SPANXN3: variants seen among roughly 807,000 people sequenced by gnomAD.
SPANXN3 encodes the protein sperm protein associated with the nucleus on the X chromosome N3.
Under a neutral mutation model 1.9 loss-of-function variants are expected in SPANXN3, and 1 was observed. The observed-to-expected ratio is 0.54, with a 90% CI of 0.19 to 2.54. The LOEUF (loss-of-function observed/expected upper bound fraction) is 2.54. Ranked by LOEUF, SPANXN3 falls within the 30% of genes most tolerant of loss-of-function variation. The probability of loss-of-function intolerance (pLI) is 0.24; values close to 1 mark genes in which losing one functional copy is unlikely to be tolerated. For synonymous variants in SPANXN3, 47 were observed against 40.0 expected, an observed-to-expected ratio of 1.17 and a Z score of -0.66; for missense variants, 113 against 96.2, an observed-to-expected ratio of 1.17 and a Z score of -0.73.
intron 1 of SPANXN3, among the ~76,000 whole-genome samples, chrX:143,515,720 C>G (rs781979775): frequency 5.4e-5 from 6 of 111,067 alleles, no homozygotes; most frequent in Non-Finnish European, 1.1e-4. Flanking sequence ...CCACACAAAT[C>G]CAGCAATTCA....
At chrX:143,509,209 A>C in intron 1 of SPANXN3, 47 bp from the exon 2 acceptor site, 1 of 1,075,107 alleles carries the variant, frequency 9.3e-7, no homozygotes, top group East Asian at 3.0e-5. Context: ...TTTTGGGTGA[A>C]TAGGATAGAG....
intron 1 of SPANXN3, among the ~76,000 whole-genome samples, chrX:143,513,866 C>A (rs1556412095): frequency 8.9e-6 from 1 of 112,181 alleles, no homozygotes; most frequent in African/African-American, 3.2e-5. Flanking sequence ...CAATGCTCTG[C>A]CACCCCATGC....
chrX:143,510,969 G>GC (rs1556411633), intron 1 of SPANXN3, among the ~76,000 whole-genome samples: 1 of 111,623 alleles, frequency 9.0e-6, no homozygotes, highest in African/African-American at 3.3e-5. Context: ...GCAGGAGGTT[G>GC]CAAGGACTGA....
At position 143,509,041 on chromosome X, in the gene SPANXN3, T is replaced by C; in HGVS notation, c.200A>G (p.Gln67Arg). 8.3e-7 allele frequency: 1 copy of C among 1,211,594 alleles called. No individual in the cohort carries two copies. The highest frequency in any genetic ancestry group is 3.0e-5 in the East Asian group (1 of 33,823). ...CTCTTGGGACTGTTCATTCTCCAGT[T>C]GATTTGAATTTATTTTCTTACCCTT... ...LRKGKKINSN[Q>R]LENEQSQENS... The change falls in exon 2 of 2, where the codon CAA becomes CGA. Residue 67 changes from glutamine to arginine, a missense_variant. Coordinates refer to ENST00000370503, the MANE Select transcript of SPANXN3 (RefSeq NM_001009609.4).
chrX:143,517,309 C>G lies in SPANXN3; in HGVS notation c.78+5G>C, dbSNP rs1556412841. On this transcript the variant is annotated splice_donor_5th_base_variant and intron_variant, in intron 1 of 1. Transcript: ENST00000370503. ...CACCTTCCCTTCAAAACCTGACAAT[C>G]TTACCTCATCATTTTTTTTGTTATT... The G allele has an allele frequency of 8.3e-7, 1 of 1,209,846 alleles. No homozygotes were observed. The highest frequency in any genetic ancestry group is 1.8e-5 in the South Asian group (1 of 56,759).
intron 1 of SPANXN3, among the ~76,000 whole-genome samples, chrX:143,514,424 A>C (rs1929168033): frequency 9.0e-6 from 1 of 111,577 alleles, no homozygotes; most frequent in African/African-American, 3.3e-5. Flanking sequence ...CATGGCTGCC[A>C]ATCTGAAATA....
At position 143,509,130 on chromosome X, in the gene SPANXN3, G is replaced by A. The variant is rs145086130; in HGVS notation, c.111C>T (p.Pro37=). 140 of 1,207,937 alleles carry A rather than the reference G, an allele frequency of 1.2e-4. No homozygotes were observed. The African/African-American group carries it at 1.6e-3, about 14-fold the overall frequency. ...MQEVPNRVLA[P]EQSLKNTKTS... ...TTTTTGTGTTCTTCAAACTCTGTTC[G>A]GGGGCTAAGACTCTGTTTGGTACCT... The change falls in exon 2 of 2, where the codon CCC becomes CCT. Residue 37 remains proline, a synonymous_variant. Transcript: ENST00000370503.
rs1556412903 is a variant in SPANXN3, at chrX:143,517,428, C to T, written c.-37G>A. The T allele has an allele frequency of 7.6e-6, 9 of 1,185,608 alleles. No homozygotes were observed. The highest frequency in any genetic ancestry group is 7.0e-5 in the African/African-American group (4 of 57,279). On this transcript the variant is annotated 5_prime_UTR_variant, in exon 1 of 2. Coordinates refer to ENST00000370503, the MANE Select transcript of SPANXN3 (RefSeq NM_001009609.4). ...GTTGTAGAATGTCTATAGTAGGCTCCTGTAGACTGCAGACTTCCACAGCTA... is the reference window on the plus strand; with the variant it reads ...GTTGTAGAATGTCTATAGTAGGCTCTTGTAGACTGCAGACTTCCACAGCTA...
chrX:143,513,533 G>A (rs1556412052), intron 1 of SPANXN3, among the ~76,000 whole-genome samples: 1 of 111,397 alleles, frequency 9.0e-6, no homozygotes, highest in African/African-American at 3.3e-5. Context: ...TTACCTACAG[G>A]ACCTCATAAA....
At chrX:143,514,971 C>T (rs1929179747) in intron 1 of SPANXN3, among the ~76,000 whole-genome samples, 1 of 111,201 alleles carries the variant, frequency 9.0e-6, no homozygotes, top group Non-Finnish European at 1.9e-5. Context: ...TACAAATGCC[C>T]TTTTATCCTC....
In SPANXN3 at chrX:143,509,223, A is replaced by G. The variant is rs185301067; in HGVS notation, c.79-61T>C. 2.0e-3 allele frequency: 1,971 copies of G among 967,504 alleles called. 6 individuals are homozygous for G. Among genetic ancestry groups the G allele is most frequent in the African/African-American group, 5.4e-3 (278 of 51,403 alleles). 79.7% of individuals were successfully genotyped at this position (967,504 alleles called of 1,213,427 possible). ...ATTTTGGGTGAATAGGATAGAGACT[A>G]GATAGCAAGGGGGGCTTTATGAGAA... On this transcript the variant is annotated intron_variant, in intron 1 of 1. Transcript: ENST00000370503.
At position 143,508,808 on chromosome X, in the gene SPANXN3, T is replaced by A; in HGVS notation, c.*7A>T. On this transcript the variant is annotated 3_prime_UTR_variant, in exon 2 of 2. Transcript: ENST00000370503. ...TGATTTGTCCAATTTGGTTTCTCCA[T>A]GTGTGACTAATCCTCCCCACTGTCC... is the stretch of plus-strand genomic sequence containing the variant. The A allele has an allele frequency of 8.4e-7, 1 of 1,195,640 alleles. No individual in the cohort carries two copies. Among genetic ancestry groups the A allele is most frequent in the African/African-American group, 1.7e-5 (1 of 57,438 alleles).
chrX:143,508,977 G>A lies in SPANXN3; in HGVS notation c.264C>T (p.Gly88=), dbSNP rs782242814. The A allele has an allele frequency of 1.4e-5, 17 of 1,210,361 alleles. No homozygotes were observed. Among genetic ancestry groups the A allele is most frequent in the Middle Eastern group, 2.3e-4 (1 of 4,353 alleles). The change falls in exon 2 of 2, where the codon GGC becomes GGT. Residue 88 remains glycine (G), a synonymous_variant. Transcript: ENST00000370503. ...TTGAAGATCCTTCAGATAAGTCTAC[G>A]CCTTCGTCCTCCTCCTTTTGGATTG... is the stretch of plus-strand genomic sequence containing the variant. ...INPIQKEEDE[G]VDLSEGSSNE...
chrX:143,511,272 A>C (rs1929085734), intron 1 of SPANXN3, among the ~76,000 whole-genome samples: 1 of 111,649 alleles, frequency 9.0e-6, no homozygotes, highest in South Asian at 3.8e-4. Context: ...AATCGGAATT[A>C]TCAGGCAACT....
chrX:143,513,917 C>G (rs1349775394), intron 1 of SPANXN3, among the ~76,000 whole-genome samples: 1 of 112,282 alleles, frequency 8.9e-6, no homozygotes, highest in African/African-American at 3.2e-5. Flanking sequence ...AACCAGGGCC[C>G]TCACCCTAGC....
chrX:143,517,051 A>C (rs1365868702), intron 1 of SPANXN3, among the ~76,000 whole-genome samples: 3 of 111,166 alleles, frequency 2.7e-5, no homozygotes, highest in Non-Finnish European at 5.7e-5. Flanking sequence ...CACCACAATG[A>C]CATCCCACTG....
At chrX:143,515,309 C>G (rs1602857573) in intron 1 of SPANXN3, among the ~76,000 whole-genome samples, 1 of 111,410 alleles carries the variant, frequency 9.0e-6, no homozygotes, top group Middle Eastern at 4.6e-3. Flanking sequence ...TTCCTCACCC[C>G]CATATTATTC....
At chrX:143,509,486 A>G in intron 1 of SPANXN3, 1 of 238,922 alleles carries the variant, frequency 4.2e-6, no homozygotes, top group South Asian at 1.2e-4. Context: ...CAAAGGCTCA[A>G]CTAAAGAAAC....
chrX:143,517,010 A>T (rs1204282229), intron 1 of SPANXN3, among the ~76,000 whole-genome samples: 1 of 111,631 alleles, frequency 9.0e-6, no homozygotes, highest in Non-Finnish European at 1.9e-5. Flanking sequence ...AAACTTTCCT[A>T]TCATATCTTG....
Sources: allele counts gnomAD v4.1 joint callset (sites outside exome capture counted in the v4.1 genomes callset), GRCh38; gene constraint gnomAD v4.1.1; transcripts MANE v1.5; gene names NCBI Gene and HGNC (gene_info 2026-07-23, HGNC 2026-07-21).